SAR1A: variants seen among roughly 807,000 people sequenced by gnomAD.
The protein encoded by SAR1A is secretion associated Ras related GTPase 1A.
Under a neutral mutation model 22.6 loss-of-function variants are expected in SAR1A, and 6 were observed. The observed-to-expected ratio is 0.27, with a 90% CI of 0.15 to 0.52. The LOEUF (loss-of-function observed/expected upper bound fraction) is 0.52. Among genes scored for constraint, SAR1A ranks in the 20% least tolerant of loss-of-function variants. The pLI is 0.96. For missense variants in SAR1A, 145 were observed against 245.1 expected (o/e 0.59, Z 2.73); for synonymous variants, 70 against 82.2 (o/e 0.85, Z 0.80).
At chr10:70,155,077 A>G (rs765711559) in intron 5 of SAR1A, 2 of 526,022 alleles carry the variant, frequency 3.8e-6, no homozygotes, top group South Asian at 1.4e-5. Flanking sequence ...GGATGAGAAG[A>G]GATGACTCAC....
chr10:70,153,907 G>A lies in SAR1A; in HGVS notation c.411C>T (p.Asp137=), dbSNP rs1839356285. Reference sequence around the variant, plus strand: ...TTTCTTCACTGATTGCATCTGTTCTGTCAATTTTGTTACCCAAGATAAGGA... The same window carrying A: ...TTTCTTCACTGATTGCATCTGTTCTATCAATTTTGTTACCCAAGATAAGGA... The part of the protein sequence containing the change: ...VPILILGNKI[D]RTDAISEEKL... Residue 137 remains aspartate, a synonymous_variant, in exon 6 of 7, where the codon GAC becomes GAT. Transcript: ENST00000373241. The A allele has an allele frequency of 1.2e-6, 2 of 1,607,888 alleles. No individual in the cohort carries two copies. Among genetic ancestry groups the A allele is most frequent in the African/African-American group, 1.3e-5 (1 of 74,456 alleles).
chr10:70,160,023 T>C lies in SAR1A; in HGVS notation c.244+981A>G, dbSNP rs188649481. 3.7e-3 allele frequency among the ~76,000 whole-genome samples: 568 copies of C among 152,364 alleles called. 2 individuals carry two copies. Among genetic ancestry groups the C allele is most frequent in the Admixed American group, 5.6e-3 (85 of 15,304 alleles). ...TATCAGAGTAATCACACATAGTCACTGTATTACTTTTGCAACTTTTGACAA... is the reference window on the plus strand; with the variant it reads ...TATCAGAGTAATCACACATAGTCACCGTATTACTTTTGCAACTTTTGACAA... On this transcript the variant is annotated intron_variant, in intron 4 of 6. Coordinates refer to ENST00000373241, the MANE Select transcript of SAR1A (RefSeq NM_020150.5).
intron 1 of SAR1A, chr10:70,163,664 G>A (rs1839505869): frequency 2.7e-6 from 2 of 752,094 alleles, no homozygotes; most frequent in South Asian, 1.4e-5. Flanking sequence ...TTGCGTCTCG[G>A]AAACCAGTAG....
At chr10:70,161,543 C>T (rs1839467607) in intron 3 of SAR1A, 76 bp downstream of exon 3, 1 of 1,548,306 alleles carries the variant, frequency 6.5e-7, no homozygotes. Flanking sequence ...AAGAACTCCA[C>T]CAACTAGGGA....
chr10:70,157,721 A>G (rs766709312), intron 5 of SAR1A, 43 bp downstream of exon 5: 1 of 1,468,948 alleles, frequency 6.8e-7, no homozygotes, highest in Non-Finnish European at 9.4e-7. Flanking sequence ...GCCAAAAAAG[A>G]ACAAAATATA....
chr10:70,163,438 G>T (rs903995364), intron 1 of SAR1A, among the ~76,000 whole-genome samples: 3 of 152,170 alleles, frequency 2.0e-5, no homozygotes, highest in Non-Finnish European at 4.4e-5. Flanking sequence ...GCTTCAAGGG[G>T]CAAGCTGACT....
chr10:70,156,931 C>T (rs896232953), intron 5 of SAR1A, among the ~76,000 whole-genome samples: 5 of 152,058 alleles, frequency 3.3e-5, no homozygotes, highest in Non-Finnish European at 7.4e-5. Flanking sequence ...TGAAGTGAGT[C>T]CTTAATAGTA....
At position 70,167,708 on chromosome 10, in the gene SAR1A, T is replaced by C. The variant is rs201279092; in HGVS notation, c.-17+2705A>G. 2.0e-5 allele frequency among the ~76,000 whole-genome samples: 3 copies of C among 152,212 alleles called. No individual in the cohort carries two copies. In the East Asian group the frequency reaches 5.8e-4, roughly 29 times the overall value. ...GGCCTAATCTGTAAATTTTAGGGCC[T>C]AATTAATATTTATTTTTCACGGCCC... On this transcript the variant is annotated intron_variant, in intron 1 of 6. Coordinates refer to ENST00000373241, the MANE Select transcript of SAR1A (RefSeq NM_020150.5).
chr10:70,167,882 T>C (rs1362332975), intron 1 of SAR1A, among the ~76,000 whole-genome samples: 2 of 152,230 alleles, frequency 1.3e-5, no homozygotes, highest in Non-Finnish European at 2.9e-5. Context: ...CATTAACTAA[T>C]AGTTTTCTCT....
chr10:70,154,803 A>T (rs969530529), intron 5 of SAR1A, among the ~76,000 whole-genome samples: 1 of 151,780 alleles, frequency 6.6e-6, no homozygotes, highest in South Asian at 2.1e-4. Flanking sequence ...AATATAGTGG[A>T]TAAGTGTCAC....
chr10:70,163,745 G>A, intron 1 of SAR1A: 2 of 940,806 alleles, frequency 2.1e-6, no homozygotes, highest in Non-Finnish European at 3.5e-6. Flanking sequence ...TTCACTATTT[G>A]ACAAAGATGG....
intron 1 of SAR1A, among the ~76,000 whole-genome samples, chr10:70,162,451 AAG>A (rs1480698048): frequency 1.6e-5 from 2 of 122,290 alleles, no homozygotes. Context: ...AAGAAAAGAA[AAG>A]AGAGGGGAGG....
At position 70,153,975 on chromosome 10, in the gene SAR1A, G is replaced by T. The variant is rs368841558; in HGVS notation, c.349-6C>A. 12 of 1,545,134 alleles carry T rather than the reference G, an allele frequency of 7.8e-6. No homozygotes were observed. The African/African-American group carries it at 1.7e-4, about 22-fold the overall frequency. ...GTTTCATCAGTCATTAAAGCCTAAA[G>T]ATTGAAAAAAAAGAAAAAAAGAAAA... On this transcript the variant is annotated splice_region_variant and splice_polypyrimidine_tract_variant and intron_variant, in intron 5 of 6. Coordinates refer to ENST00000373241, the MANE Select transcript of SAR1A (RefSeq NM_020150.5).
chr10:70,163,910 A>C (rs1839509810), intron 1 of SAR1A: 2 of 1,601,288 alleles, frequency 1.2e-6, no homozygotes, highest in Non-Finnish European at 1.7e-6. Context: ...TGGCAAGAAA[A>C]ATGAAAGACA....
chr10:70,160,298 T>C (rs1485564099), intron 4 of SAR1A, among the ~76,000 whole-genome samples: 1 of 151,596 alleles, frequency 6.6e-6, no homozygotes, highest in Non-Finnish European at 1.5e-5. Flanking sequence ...TCTTAGAAAA[T>C]GGCACTAAAG....
At chr10:70,157,551 T>A in intron 5 of SAR1A, 7 of 506,726 alleles carry the variant, frequency 1.4e-5, no homozygotes, top group Admixed American at 7.0e-5. Context: ...GAAACAACAG[T>A]TAATTTATTT....
At position 70,158,614 on chromosome 10, in the gene SAR1A, A is replaced by G. The variant is rs118157250; in HGVS notation, c.245-747T>C. ...AGAATGAATAACGAACCATCTCTAC[A>G]TCAGTTAATAATGGTTACCTTTAAA... On this transcript the variant is annotated intron_variant, in intron 4 of 6. Transcript: ENST00000373241. Among the ~76,000 whole-genome samples, 846 of 152,338 alleles carry G rather than the reference A, an allele frequency of 5.6e-3. 5 individuals carry two copies. The highest frequency in any genetic ancestry group is 9.7e-3 in the Non-Finnish European group (657 of 68,022).
chr10:70,148,067 A>T lies in SAR1A; in HGVS notation c.*4409T>A, dbSNP rs577228488. 2 of 152,052 alleles carry T rather than the reference A, an allele frequency of 1.3e-5. No individual in the cohort carries two copies. The highest frequency in any genetic ancestry group is 2.9e-5 in the Non-Finnish European group (2 of 68,036). 9.4% of individuals were successfully genotyped at this position (152,052 alleles called of 1,614,324 possible). ...CTAATTTTTTGTATTTTTAGTAGAG[A>T]CGGGGTTTCACCGTGTTAGCCAGGA... On this transcript the variant is annotated 3_prime_UTR_variant, in exon 7 of 7. Coordinates refer to ENST00000373241, the MANE Select transcript of SAR1A (RefSeq NM_020150.5).
intron 1 of SAR1A, chr10:70,162,740 A>G (rs1356773359): frequency 6.6e-6 from 1 of 152,194 alleles, no homozygotes; most frequent in East Asian, 1.9e-4. Flanking sequence ...TTTTTTACAA[A>G]TTGAAGGTTG....
Sources: gnomAD v4.1 joint callset for allele counts (sites outside exome capture counted in the v4.1 genomes callset) on GRCh38, gnomAD v4.1.1 for gene constraint, MANE v1.5 for transcripts, NCBI Gene and HGNC (gene_info 2026-07-23, HGNC 2026-07-21) for gene names.